The following STK33 variants were observed in gnomAD, a reference collection of about 807,000 sequenced individuals.
STK33 encodes serine/threonine kinase 33, also known as serine/threonine-protein kinase 33.
In STK33, 52 loss-of-function variants were observed where a neutral mutation model predicts 58.0. The ratio of observed to expected loss-of-function variants is 0.90; its 90% CI spans 0.72 to 1.13. The LOEUF (loss-of-function observed/expected upper bound fraction) is 1.13, where lower values mean the gene tolerates loss of function less well. STK33 is among the 50% of genes most tolerant of loss of function. The probability of loss-of-function intolerance (pLI) is 0.00; values close to 1 mark genes in which losing one functional copy is unlikely to be tolerated. For synonymous variants in STK33, 215 were observed against 200.1 expected, an observed-to-expected ratio of 1.07 and a Z score of -0.63; for missense variants, 630 against 604.2, an observed-to-expected ratio of 1.04 and a Z score of -0.45.
chr11:8,358,417 C>T, the STK33 span, among the ~76,000 whole-genome samples: 1 of 152,254 alleles, frequency 6.6e-6, no homozygotes, highest in South Asian at 2.1e-4. Flanking sequence ...TGCCTGTGTG[C>T]TCAACCCAGA....
chr11:8,452,021 G>A (rs1045782321), intron 11 of STK33, among the ~76,000 whole-genome samples: 7 of 152,010 alleles, frequency 4.6e-5, no homozygotes, highest in East Asian at 1.9e-4. Flanking sequence ...CGGCCAACAC[G>A]GCAAAAACCT....
At chr11:8,358,977 C>T in the STK33 span, among the ~76,000 whole-genome samples, 1 of 152,192 alleles carries the variant, frequency 6.6e-6, no homozygotes, top group Non-Finnish European at 1.5e-5. Context: ...ACAAGAAGCG[C>T]GGGGATGAGC....
Position 8,392,505 on chromosome 11 carries a change from G to A in STK33, c.*5C>T. ...TTTTTGTACTGTCCAACACTGGAGG[G>A]AACCTTAGAGTTTCTTTTTGGTTCT... On this transcript the variant is annotated 3_prime_UTR_variant, in exon 16 of 16. Transcript: ENST00000687296. 1 of 1,614,092 alleles carries A rather than the reference G, an allele frequency of 6.2e-7. No homozygotes were observed. Among genetic ancestry groups the A allele is most frequent in the Admixed American group, 1.7e-5 (1 of 60,014 alleles).
chr11:8,491,705 G>A (rs1431374821), intron 1 of STK33, among the ~76,000 whole-genome samples: 1 of 152,120 alleles, frequency 6.6e-6, no homozygotes, highest in Non-Finnish European at 1.5e-5. Flanking sequence ...GAAAGGTCAG[G>A]TTACTCACAA....
intron 15 of STK33, among the ~76,000 whole-genome samples, chr11:8,395,837 T>C (rs1849237138): frequency 6.6e-6 from 1 of 152,230 alleles, no homozygotes; most frequent in South Asian, 2.1e-4. Context: ...GGATAAATGG[T>C]ATATGGATTT....
chr11:8,374,026 CAA>C, the STK33 span, among the ~76,000 whole-genome samples: 1 of 152,226 alleles, frequency 6.6e-6, no homozygotes, highest in Non-Finnish European at 1.5e-5. Flanking sequence ...ATGTAAGCGC[CAA>C]AGTTATTAAC....
At chr11:8,560,458 T>G (rs1957045029) in intron 1 of STK33, among the ~76,000 whole-genome samples, 1 of 135,634 alleles carries the variant, frequency 7.4e-6, no homozygotes, top group Admixed American at 6.9e-5. Context: ...ATTAATGATA[T>G]CAATCCTCCT....
rs554373039 is a variant in STK33, at chr11:8,509,734, C to G, written c.-465-29120G>C. 3.3e-5 allele frequency among the ~76,000 whole-genome samples: 5 copies of G among 152,218 alleles called. 1 individual carries two copies. In the South Asian group the frequency reaches 1.0e-3, roughly 32 times the overall value. ...CCTTTGCATCCTCATAGTTTAGCTC[C>G]CACTTATAAGTGAGAACATATGATA... is the stretch of plus-strand genomic sequence containing the variant. On this transcript the variant is annotated intron_variant, in intron 1 of 15. Coordinates refer to ENST00000687296, the MANE Select transcript of STK33 (RefSeq NM_001352389.2).
At chr11:8,572,711 G>A (rs1388370662) in intron 1 of STK33, among the ~76,000 whole-genome samples, 1 of 151,908 alleles carries the variant, frequency 6.6e-6, no homozygotes, top group Non-Finnish European at 1.5e-5. Context: ...GAGTCACCAT[G>A]CCTGGTGCCT....
intron 12 of STK33, among the ~76,000 whole-genome samples, chr11:8,439,554 A>AGGC (rs1052273588): frequency 2.1e-4 from 32 of 152,150 alleles, no homozygotes; most frequent in African/African-American, 7.5e-4. Context: ...GAGAAATAGA[A>AGGC]GGCCTTAATG....
At chr11:8,338,890 A>G in the STK33 span, among the ~76,000 whole-genome samples, 38 of 152,320 alleles carry the variant, frequency 2.5e-4, no homozygotes, top group East Asian at 1.5e-3. Flanking sequence ...CCTGGCTCCA[A>G]GTAAGTTCTT....
intron 7 of STK33, among the ~76,000 whole-genome samples, chr11:8,463,970 G>A (rs2137398049): frequency 6.6e-6 from 1 of 152,218 alleles, no homozygotes; most frequent in Non-Finnish European, 1.5e-5. Flanking sequence ...AGGGACAAAT[G>A]GTATGTAATT....
intron 1 of STK33, among the ~76,000 whole-genome samples, chr11:8,539,346 T>C (rs1436462074): frequency 6.6e-6 from 1 of 152,180 alleles, no homozygotes; most frequent in African/African-American, 2.4e-5. Flanking sequence ...AAATGTTCCC[T>C]CAGTGAGGTG....
At chr11:8,511,636 C>A (rs1481073308) in intron 1 of STK33, among the ~76,000 whole-genome samples, 1 of 152,084 alleles carries the variant, frequency 6.6e-6, no homozygotes, top group East Asian at 1.9e-4. Context: ...GCTTTTATTA[C>A]TTTGAGGTAT....
the STK33 span, among the ~76,000 whole-genome samples, chr11:8,376,955 G>T: frequency 6.6e-6 from 1 of 152,140 alleles, no homozygotes; most frequent in Non-Finnish European, 1.5e-5. Context: ...GGCAGGAAAG[G>T]CTCCACTGTA....
At chr11:8,533,542 G>GT (rs1191180101) in intron 1 of STK33, 1 of 152,220 alleles carries the variant, frequency 6.6e-6, no homozygotes, top group Admixed American at 6.5e-5. Flanking sequence ...CAGACATGGA[G>GT]TTTTTCTCAC....
Position 8,436,009 on chromosome 11 carries a change from T to G in STK33, c.1060+18A>C. 7.2e-7 allele frequency: 1 copy of G among 1,390,126 alleles called. No individual in the cohort carries two copies. Among genetic ancestry groups the G allele is most frequent in the Non-Finnish European group, 9.7e-7 (1 of 1,031,118 alleles). 86.1% of individuals were successfully genotyped at this position (1,390,126 alleles called of 1,614,324 possible). On this transcript the variant is annotated intron_variant, in intron 13 of 15. Transcript: ENST00000687296. ...TACTTATATTAGCTTTAGTAAATAA[T>G]AACGCATCTATACTTACCACAGTCA...
intron 1 of STK33, among the ~76,000 whole-genome samples, chr11:8,531,015 G>C (rs188913130): frequency 6.6e-6 from 1 of 152,226 alleles, no homozygotes; most frequent in African/African-American, 2.4e-5. Flanking sequence ...TATGAGGCAA[G>C]AAAGATGAAA....
At chr11:8,535,207 T>G (rs1319201606) in intron 1 of STK33, among the ~76,000 whole-genome samples, 3 of 152,216 alleles carry the variant, frequency 2.0e-5, no homozygotes, top group Non-Finnish European at 4.4e-5. Flanking sequence ...GTCCATATAC[T>G]GAGTTATTGG....
Sources: gnomAD v4.1 joint callset for allele counts (sites outside exome capture counted in the v4.1 genomes callset) on GRCh38, gnomAD v4.1.1 for gene constraint, MANE v1.5 for transcripts, NCBI Gene and HGNC (gene_info 2026-07-23, HGNC 2026-07-21) for gene names.